CNTNAP2: variants seen among roughly 807,000 people sequenced by gnomAD.
CNTNAP2 encodes the protein contactin associated protein 2, also known as contactin-associated protein-like 2.
A neutral mutation model predicts 155.2 loss-of-function variants in CNTNAP2; 98 were observed. The observed-to-expected ratio is 0.63, with a 90% CI of 0.54 to 0.75. The LOEUF is 0.75. Ranked by LOEUF, CNTNAP2 falls within the 30% of genes least tolerant of loss-of-function variation. The pLI is 0.00. For missense variants in CNTNAP2, 1,727 were observed against 1,688.1 expected (o/e 1.02, Z -0.40); for synonymous variants, 651 against 631.2 (o/e 1.03, Z -0.47).
chr7:146,340,319 T>C (rs181033965), intron 1 of CNTNAP2, among the ~76,000 whole-genome samples: 99 of 149,126 alleles, frequency 6.6e-4, no homozygotes, highest in Middle Eastern at 3.5e-3. Context: ...GCAACTTGGC[T>C]TTCCTAACAT....
chr7:147,799,574 G>C (rs1002739490), intron 13 of CNTNAP2, among the ~76,000 whole-genome samples: 4 of 152,144 alleles, frequency 2.6e-5, no homozygotes, highest in African/African-American at 9.7e-5. Flanking sequence ...TCTTTTTCCT[G>C]TTCAGTAGTT....
chr7:147,684,904 A>G (rs1034413841), intron 13 of CNTNAP2, among the ~76,000 whole-genome samples: 1 of 151,964 alleles, frequency 6.6e-6, no homozygotes, highest in African/African-American at 2.4e-5. Flanking sequence ...AGCACAAAGC[A>G]TTTGAATTTG....
At chr7:147,296,061 A>G (rs1015016024) in intron 8 of CNTNAP2, among the ~76,000 whole-genome samples, 8 of 152,176 alleles carry the variant, frequency 5.3e-5, no homozygotes, top group African/African-American at 1.4e-4. Flanking sequence ...TTGTCGTGGA[A>G]TTCTCTGAAA....
At chr7:146,719,962 G>A (rs768005470) in intron 1 of CNTNAP2, among the ~76,000 whole-genome samples, 1 of 152,064 alleles carries the variant, frequency 6.6e-6, no homozygotes, top group Non-Finnish European at 1.5e-5. Flanking sequence ...CATTGAAAGA[G>A]CTGAATACAT....
chr7:146,338,309 C>T (rs931426685), intron 1 of CNTNAP2, among the ~76,000 whole-genome samples: 1 of 152,012 alleles, frequency 6.6e-6, no homozygotes, highest in Non-Finnish European at 1.5e-5. Context: ...GATCTAGGAG[C>T]CAAGAACTAA....
intron 1 of CNTNAP2, among the ~76,000 whole-genome samples, chr7:146,514,604 C>G (rs1433267327): frequency 6.6e-6 from 1 of 151,260 alleles, no homozygotes; most frequent in East Asian, 1.9e-4. Flanking sequence ...TGTTGAATTT[C>G]TGTAATAAAT....
intron 13 of CNTNAP2, among the ~76,000 whole-genome samples, chr7:147,748,651 T>G (rs984204719): frequency 6.6e-5 from 10 of 152,190 alleles, no homozygotes; most frequent in African/African-American, 2.4e-4. Flanking sequence ...TACATTCTTG[T>G]GCAAACATGT....
At chr7:147,826,311 A>C (rs1650083281) in intron 13 of CNTNAP2, among the ~76,000 whole-genome samples, 1 of 152,236 alleles carries the variant, frequency 6.6e-6, no homozygotes, top group African/African-American at 2.4e-5. Context: ...TGAATACTTA[A>C]AATTTATAAG....
intron 1 of CNTNAP2, among the ~76,000 whole-genome samples, chr7:146,737,137 G>A (rs1801634771): frequency 6.6e-6 from 1 of 152,098 alleles, no homozygotes; most frequent in South Asian, 2.1e-4. Context: ...TTGGAACTCA[G>A]TTACAAGACA....
intron 13 of CNTNAP2, among the ~76,000 whole-genome samples, chr7:147,727,301 C>G (rs2116459600): frequency 6.6e-6 from 1 of 151,992 alleles, no homozygotes; most frequent in African/African-American, 2.4e-5. Flanking sequence ...CAACCTGATA[C>G]CTTTCTGAGA....
At chr7:146,737,564 T>C (rs1022680623) in intron 1 of CNTNAP2, among the ~76,000 whole-genome samples, 6 of 152,122 alleles carry the variant, frequency 3.9e-5, no homozygotes, top group African/African-American at 1.4e-4. Flanking sequence ...GTACAGGTTA[T>C]ACATAACGTA....
At chr7:146,267,493 A>T (rs1388731714) in intron 1 of CNTNAP2, among the ~76,000 whole-genome samples, 1 of 152,174 alleles carries the variant, frequency 6.6e-6, no homozygotes, top group East Asian at 1.9e-4. Flanking sequence ...TGTCCCCAAC[A>T]TTTATATCTT....
chr7:146,140,611 A>T (rs1797863193), intron 1 of CNTNAP2, among the ~76,000 whole-genome samples: 1 of 152,140 alleles, frequency 6.6e-6, no homozygotes, highest in Admixed American at 6.6e-5. Flanking sequence ...AGCATCTCTC[A>T]TTATTTCTTT....
At chr7:148,354,680 TTTC>T (rs1288345028) in intron 21 of CNTNAP2, among the ~76,000 whole-genome samples, 2 of 151,150 alleles carry the variant, frequency 1.3e-5, no homozygotes, top group African/African-American at 4.9e-5. Context: ...CCTAAAAGGC[TTTC>T]TTTTTTTTTT....
chr7:148,406,787 T>A (rs549368011), intron 22 of CNTNAP2, among the ~76,000 whole-genome samples: 16 of 152,362 alleles, frequency 1.1e-4, no homozygotes, highest in Admixed American at 2.0e-4. Context: ...ATTGTATACA[T>A]TCATAACCAA....
intron 1 of CNTNAP2, among the ~76,000 whole-genome samples, chr7:146,647,188 G>A (rs571212128): frequency 6.6e-6 from 1 of 152,266 alleles, no homozygotes; most frequent in African/African-American, 2.4e-5. Flanking sequence ...CAATGCTACA[G>A]CATCTCAGTC....
At chr7:147,063,060 A>G (rs1207490281) in intron 4 of CNTNAP2, among the ~76,000 whole-genome samples, 1 of 152,204 alleles carries the variant, frequency 6.6e-6, no homozygotes, top group African/African-American at 2.4e-5. Flanking sequence ...TTTCTAGTCC[A>G]ACTATTAAGT....
chr7:148,036,501 T>C (rs1434097669), intron 15 of CNTNAP2, among the ~76,000 whole-genome samples: 1 of 152,100 alleles, frequency 6.6e-6, no homozygotes, highest in East Asian at 1.9e-4. Context: ...TCTCTTGTGA[T>C]GCTTTCCATG....
intron 1 of CNTNAP2, among the ~76,000 whole-genome samples, chr7:146,749,661 A>G (rs1801869545): frequency 6.6e-6 from 1 of 150,466 alleles, no homozygotes; most frequent in Admixed American, 6.6e-5. Flanking sequence ...AAGAGATGAT[A>G]AAACCCTGAA....
Sources: allele counts gnomAD v4.1 joint callset (sites outside exome capture counted in the v4.1 genomes callset), GRCh38; gene constraint gnomAD v4.1.1; transcripts MANE v1.5; gene names NCBI Gene and HGNC (gene_info 2026-07-23, HGNC 2026-07-21).